Variants in TUFT1 observed in about 807,000 individuals in gnomAD.
TUFT1 encodes the protein tuftelin 1, also known as tuftelin.
TUFT1 carries 43 observed loss-of-function variants against 57.8 expected under a neutral mutation model. The ratio of observed to expected loss-of-function variants is 0.74; its 90% CI spans 0.58 to 0.96. The LOEUF (loss-of-function observed/expected upper bound fraction) is 0.96. Ranked by LOEUF, TUFT1 falls within the 40% of genes least tolerant of loss-of-function variation. TUFT1 has a pLI of 0.00. For synonymous variants in TUFT1, 166 were observed against 176.7 expected, an observed-to-expected ratio of 0.94 and a Z score of 0.48; for missense variants, 459 against 489.0, an observed-to-expected ratio of 0.94 and a Z score of 0.58.
At chr1:151,569,580 T>C in intron 6 of TUFT1, 77 bp from the exon 7 acceptor site, 1 of 1,193,228 alleles carries the variant, frequency 8.4e-7, no homozygotes, top group Non-Finnish European at 1.2e-6. Context: ...AACCAGTGTG[T>C]GCCTGGGAGG....
chr1:151,562,793 A>C (rs1571703210), intron 3 of TUFT1, 107 bp downstream of exon 3: 1 of 900,308 alleles, frequency 1.1e-6, no homozygotes, highest in Non-Finnish European at 1.8e-6. Context: ...GGTTTGATGG[A>C]AGGAACCAGA....
intron 11 of TUFT1, 106 bp from the exon 12 acceptor site, chr1:151,580,836 G>A: frequency 3.1e-6 from 3 of 961,272 alleles, no homozygotes; most frequent in Non-Finnish European, 4.9e-6. Flanking sequence ...GGGGGTAGAG[G>A]CAACAGCAGC....
intron 7 of TUFT1, 35 bp from the exon 8 acceptor site, chr1:151,574,235 C>T: frequency 3.2e-6 from 5 of 1,580,214 alleles, no homozygotes; most frequent in Non-Finnish European, 4.3e-6. Flanking sequence ...CTCTTTTTTC[C>T]ACACCATTTA....
chr1:151,574,642 T>C (rs1238995988), intron 8 of TUFT1, among the ~76,000 whole-genome samples: 1 of 152,204 alleles, frequency 6.6e-6, no homozygotes, highest in African/African-American at 2.4e-5. Context: ...AAGTCCTGGT[T>C]TCTCAGGGAC....
intron 1 of TUFT1, among the ~76,000 whole-genome samples, chr1:151,559,309 A>G (rs1665809062): frequency 6.6e-6 from 1 of 152,208 alleles, no homozygotes; most frequent in Non-Finnish European, 1.5e-5. Context: ...CAAAACACAA[A>G]TAACTGAGAG....
chr1:151,580,875 A>G (rs558466746), intron 11 of TUFT1, 67 bp from the exon 12 acceptor site: 28 of 1,400,728 alleles, frequency 2.0e-5, no homozygotes, highest in Non-Finnish European at 2.6e-5. Flanking sequence ...ACCAGAATGC[A>G]CTAGCTGAAC....
intron 1 of TUFT1, among the ~76,000 whole-genome samples, chr1:151,548,289 T>C (rs1344157225): frequency 1.4e-5 from 2 of 147,388 alleles, no homozygotes; most frequent in Non-Finnish European, 3.0e-5. Flanking sequence ...CTACTTTTCT[T>C]TTTTCTTTTT....
chr1:151,564,692 C>A, intron 5 of TUFT1, 78 bp downstream of exon 5: 1 of 1,201,926 alleles, frequency 8.3e-7, no homozygotes, highest in Non-Finnish European at 1.2e-6. Flanking sequence ...ACCAATTACC[C>A]AGTGTGTGCT....
At chr1:151,570,612 A>G (rs1400282877) in intron 7 of TUFT1, among the ~76,000 whole-genome samples, 1 of 152,198 alleles carries the variant, frequency 6.6e-6, no homozygotes, top group African/African-American at 2.4e-5. Context: ...GTTATAATAC[A>G]GAAATCTATA....
intron 1 of TUFT1, among the ~76,000 whole-genome samples, chr1:151,555,217 T>C (rs1250742719): frequency 6.6e-6 from 1 of 150,730 alleles, no homozygotes; most frequent in Non-Finnish European, 1.5e-5. Flanking sequence ...TAATCCCAGC[T>C]ACTCAGGAGG....
chr1:151,547,030 A>G (rs1463785080), intron 1 of TUFT1, among the ~76,000 whole-genome samples: 1 of 152,102 alleles, frequency 6.6e-6, no homozygotes, highest in Non-Finnish European at 1.5e-5. Context: ...GTGGGGAAAA[A>G]CTGCTGGGCA....
rs187572108 is a variant in TUFT1 at position 151,544,636 on chromosome 1, G to T, written c.60+4210G>T. ...TTATCAAAGGAGTTTCACTCTTGTT[G>T]CCCAGGCTGGAGTGCAACGACGTGA... On this transcript the variant is annotated intron_variant, in intron 1 of 12. Transcript: ENST00000368849. Among the ~76,000 whole-genome samples, 11 of 152,094 alleles carry T rather than the reference G, an allele frequency of 7.2e-5. No homozygotes were observed. The East Asian group carries it at 1.9e-3, about 27-fold the overall frequency.
At chr1:151,564,705 A>G in intron 5 of TUFT1, 91 bp downstream of exon 5, 1 of 1,056,944 alleles carries the variant, frequency 9.5e-7, no homozygotes, top group Non-Finnish European at 1.4e-6. Flanking sequence ...TGTGTGCTAA[A>G]TCTAGCATCC....
At chr1:151,562,064 T>C (rs1407700295) in intron 1 of TUFT1, 27 bp from the exon 2 acceptor site, 1 of 1,610,578 alleles carries the variant, frequency 6.2e-7, no homozygotes. Flanking sequence ...GTTGAGGGGT[T>C]ATTGTTGCTG....
intron 1 of TUFT1, chr1:151,557,847 T>G: frequency 1.3e-6 from 1 of 744,584 alleles, no homozygotes; most frequent in Non-Finnish European, 2.5e-6. Flanking sequence ...TGCCGCCTGG[T>G]GCCGACAGCA....
chr1:151,564,904 C>T (rs979481273), intron 5 of TUFT1: 2 of 232,674 alleles, frequency 8.6e-6, no homozygotes, highest in Non-Finnish European at 1.7e-5. Context: ...TAGCAAACCT[C>T]TTATCTATAA....
chr1:151,580,267 A>G (rs914971573), intron 11 of TUFT1, among the ~76,000 whole-genome samples: 2 of 152,250 alleles, frequency 1.3e-5, no homozygotes, highest in Non-Finnish European at 2.9e-5. Context: ...TTTGCAGTCT[A>G]TAGTCAGAGA....
At chr1:151,564,218 A>G (rs948389535) in intron 4 of TUFT1, among the ~76,000 whole-genome samples, 2 of 152,118 alleles carry the variant, frequency 1.3e-5, no homozygotes, top group East Asian at 1.9e-4. Flanking sequence ...CCAGCCACCT[A>G]TCGAAAATTA....
At chr1:151,578,895 A>G (rs771815176) in intron 10 of TUFT1, 69 bp downstream of exon 10, 3 of 1,298,388 alleles carry the variant, frequency 2.3e-6, no homozygotes, top group Non-Finnish European at 1.1e-6. Flanking sequence ...TTTGTTTCCT[A>G]GGGAGCTTGA....
Sources: gnomAD v4.1 joint callset for allele counts (sites outside exome capture counted in the v4.1 genomes callset) on GRCh38, gnomAD v4.1.1 for gene constraint, MANE v1.5 for transcripts, NCBI Gene and HGNC (gene_info 2026-07-23, HGNC 2026-07-21) for gene names.